Variants in ADAMTSL3 observed in about 807,000 individuals in gnomAD.
ADAMTSL3 encodes ADAMTS-like protein 3.
Under a neutral mutation model 201.7 loss-of-function variants are expected in ADAMTSL3, and 128 were observed. That is an observed-to-expected ratio of 0.63 (90% CI 0.55 to 0.73). ADAMTSL3 has a LOEUF of 0.73. Among genes scored for constraint, ADAMTSL3 ranks in the 30% least tolerant of loss-of-function variants. The pLI is 0.00. For synonymous variants in ADAMTSL3, 738 were observed against 748.4 expected (o/e 0.99, Z 0.23); for missense variants, 1,990 against 2,119.6 (o/e 0.94, Z 1.20).
chr15:83,918,615 C>T (rs1195431266), intron 16 of ADAMTSL3, among the ~76,000 whole-genome samples: 1 of 152,074 alleles, frequency 6.6e-6, no homozygotes, highest in Admixed American at 6.5e-5. Flanking sequence ...AGAAGCCAGG[C>T]ACAGTTGGAG....
chr15:83,769,894 C>T (rs2141735481), intron 3 of ADAMTSL3, among the ~76,000 whole-genome samples: 1 of 149,654 alleles, frequency 6.7e-6, no homozygotes, highest in South Asian at 2.1e-4. Context: ...GTCACAGTTT[C>T]TTTCATAAAC....
intron 3 of ADAMTSL3, among the ~76,000 whole-genome samples, chr15:83,719,560 A>G (rs2062068553): frequency 6.6e-6 from 1 of 152,220 alleles, no homozygotes; most frequent in African/African-American, 2.4e-5. Flanking sequence ...AGTATATTTT[A>G]TGAATACACA....
chr15:83,986,834 C>A (rs1415231798), intron 21 of ADAMTSL3, among the ~76,000 whole-genome samples: 1 of 152,158 alleles, frequency 6.6e-6, no homozygotes, highest in Non-Finnish European at 1.5e-5. Flanking sequence ...ATAGAAAGAT[C>A]AACTTTGTTA....
intron 17 of ADAMTSL3, among the ~76,000 whole-genome samples, chr15:83,935,547 C>CA (rs56941474): frequency 5.9e-5 from 9 of 151,672 alleles, no homozygotes; most frequent in South Asian, 2.1e-4. Flanking sequence ...AAATCCCAAA[C>CA]GGGAAAAAAA....
chr15:83,751,014 A>C (rs904551212), intron 3 of ADAMTSL3, among the ~76,000 whole-genome samples: 1 of 152,220 alleles, frequency 6.6e-6, no homozygotes, highest in African/African-American at 2.4e-5. Context: ...TGTCAGGTAC[A>C]ATGCTAATTG....
intron 7 of ADAMTSL3, among the ~76,000 whole-genome samples, chr15:83,840,745 G>T (rs1177667951): frequency 6.6e-6 from 1 of 152,192 alleles, no homozygotes; most frequent in African/African-American, 2.4e-5. Context: ...GAAGGAGGTG[G>T]CTTTGAATGG....
chr15:83,801,651 AATATATAT>A (rs68098545), intron 4 of ADAMTSL3, among the ~76,000 whole-genome samples: 22 of 31,272 alleles, frequency 7.0e-4, no homozygotes, highest in Admixed American at 1.4e-3. Context: ...TATAAATATA[AATATATAT>A]ATATATATAT....
At chr15:83,910,920 G>A (rs1362216985) in intron 15 of ADAMTSL3, among the ~76,000 whole-genome samples, 1 of 151,818 alleles carries the variant, frequency 6.6e-6, no homozygotes, top group Non-Finnish European at 1.5e-5. Context: ...GATTACCGGC[G>A]TGAGCCACCA....
chr15:83,986,518 T>C (rs2067478325), intron 21 of ADAMTSL3, among the ~76,000 whole-genome samples: 1 of 152,170 alleles, frequency 6.6e-6, no homozygotes, highest in Non-Finnish European at 1.5e-5. Flanking sequence ...ATAAAAGGTT[T>C]TGTTTTTAAT....
rs760159144 is a variant in ADAMTSL3, at chr15:84,031,450, G to A, written c.4754+18G>A. 3 of 1,608,064 alleles carry A rather than the reference G, an allele frequency of 1.9e-6. No individual in the cohort carries two copies. The highest frequency in any genetic ancestry group is 3.3e-5 in the Admixed American group (2 of 60,016). ...AGAAAGAGGTAGGGGCCCCACCCCA[G>A]AGCAGCACACATTCTCTCCTGACTC... On this transcript the variant is annotated intron_variant, in intron 28 of 29. Transcript: ENST00000286744.
rs112503314 is a variant in ADAMTSL3 at position 83,960,454 on chromosome 15, G to A, written c.2491-10030G>A. On this transcript the variant is annotated intron_variant, in intron 19 of 29. Coordinates refer to ENST00000286744, the MANE Select transcript of ADAMTSL3 (RefSeq NM_207517.3). Reference sequence around the variant, plus strand: ...AGGAGTAAATGTGGCAGTCCTGAAAGGCCTGTTCTAGTTCTTTGATGACAG... The same window carrying A: ...AGGAGTAAATGTGGCAGTCCTGAAAAGCCTGTTCTAGTTCTTTGATGACAG... 9.3e-3 allele frequency among the ~76,000 whole-genome samples: 1,418 copies of A among 152,204 alleles called. 12 individuals are homozygous for A. The highest frequency in any genetic ancestry group is 0.014 in the Non-Finnish European group (943 of 68,004).
intron 2 of ADAMTSL3, among the ~76,000 whole-genome samples, chr15:83,669,574 T>C (rs577074137): frequency 1.4e-5 from 2 of 145,708 alleles, no homozygotes; most frequent in South Asian, 4.5e-4. Flanking sequence ...TTCACTCCAT[T>C]CTCCTGCCTC....
intron 2 of ADAMTSL3, among the ~76,000 whole-genome samples, chr15:83,664,386 T>C (rs1157194611): frequency 6.6e-6 from 1 of 151,824 alleles, no homozygotes; most frequent in African/African-American, 2.4e-5. Context: ...TGAGCTACCA[T>C]GCACCAGAAT....
intron 3 of ADAMTSL3, among the ~76,000 whole-genome samples, chr15:83,723,677 G>T (rs1448621388): frequency 6.6e-6 from 1 of 152,086 alleles, no homozygotes; most frequent in Non-Finnish European, 1.5e-5. Context: ...AAAAGATCAG[G>T]TCACAGAATC....
intron 3 of ADAMTSL3, among the ~76,000 whole-genome samples, chr15:83,731,520 A>G (rs2062270920): frequency 6.6e-6 from 1 of 152,066 alleles, no homozygotes; most frequent in Non-Finnish European, 1.5e-5. Flanking sequence ...GTTTAAAAAT[A>G]GAATTACCAT....
intron 9 of ADAMTSL3, among the ~76,000 whole-genome samples, chr15:83,878,535 A>T (rs1044881163): frequency 7.2e-5 from 11 of 152,088 alleles, no homozygotes; most frequent in African/African-American, 2.7e-4. Context: ...AATTGCTTCA[A>T]CCTGAAAGGT....
At chr15:83,798,770 G>A (rs2063471064) in intron 4 of ADAMTSL3, among the ~76,000 whole-genome samples, 1 of 131,940 alleles carries the variant, frequency 7.6e-6, no homozygotes, top group East Asian at 2.3e-4. Flanking sequence ...TCGCGCCATT[G>A]CACTCCAGCC....
At chr15:83,803,373 ACCT>A (rs1047815714) in intron 4 of ADAMTSL3, among the ~76,000 whole-genome samples, 12 of 152,212 alleles carry the variant, frequency 7.9e-5, no homozygotes, top group Admixed American at 2.6e-4. Context: ...CAAAAAAATG[ACCT>A]CCTATCCACT....
intron 19 of ADAMTSL3, among the ~76,000 whole-genome samples, chr15:83,948,400 A>C (rs113664650): frequency 2.2e-5 from 3 of 136,150 alleles, no homozygotes; most frequent in African/African-American, 5.7e-5. Context: ...ACAAGTGCAC[A>C]AAAGCTTATT....
Sources: allele counts gnomAD v4.1 joint callset (sites outside exome capture counted in the v4.1 genomes callset), GRCh38; gene constraint gnomAD v4.1.1; transcripts MANE v1.5; gene names NCBI Gene and HGNC (gene_info 2026-07-23, HGNC 2026-07-21).